PTPRT: variants seen among roughly 807,000 people sequenced by gnomAD.
The protein encoded by PTPRT is receptor-type tyrosine-protein phosphatase T.
A neutral mutation model predicts 176.8 loss-of-function variants in PTPRT; 56 were observed. The ratio of observed to expected loss-of-function variants is 0.32; its 90% CI spans 0.26 to 0.40. The LOEUF is 0.40. Ranked by LOEUF, PTPRT falls within the 10% of genes least tolerant of loss-of-function variation. The pLI, the probability that PTPRT is intolerant of heterozygous loss-of-function variation, is 1.00. For missense variants in PTPRT, 1,540 were observed against 1,908.2 expected (o/e 0.81, Z 3.60); for synonymous variants, 783 against 739.0 (o/e 1.06, Z -0.96).
At chr20:42,250,024 C>T (rs923380571) in intron 13 of PTPRT, among the ~76,000 whole-genome samples, 1 of 152,240 alleles carries the variant, frequency 6.6e-6, no homozygotes, top group African/African-American at 2.4e-5. Context: ...GCTCACTCTT[C>T]ATCAGCCAAT....
chr20:42,804,865 A>C (rs1168312746), intron 2 of PTPRT, among the ~76,000 whole-genome samples: 1 of 152,192 alleles, frequency 6.6e-6, no homozygotes, highest in Non-Finnish European at 1.5e-5. Flanking sequence ...AACACCAGTC[A>C]CATCGAATTC....
intron 16 of PTPRT, among the ~76,000 whole-genome samples, 163 bp downstream of exon 16, chr20:42,199,077 G>T (rs551037910): frequency 7.2e-4 from 109 of 152,214 alleles, no homozygotes; most frequent in African/African-American, 2.5e-3. Context: ...AGGATGAACT[G>T]CCCCAAGTCT....
intron 12 of PTPRT, among the ~76,000 whole-genome samples, chr20:42,311,735 CT>C (rs924136209): frequency 1.3e-5 from 2 of 151,826 alleles, no homozygotes; most frequent in Non-Finnish European, 2.9e-5. Context: ...CATCTTCTGG[CT>C]TTTTTTATAG....
intron 1 of PTPRT, among the ~76,000 whole-genome samples, chr20:43,008,940 G>T (rs892479606): frequency 1.3e-5 from 2 of 152,102 alleles, no homozygotes; most frequent in African/African-American, 4.8e-5. Flanking sequence ...CACCTCTCAG[G>T]TGGGTTTGGG....
Position 42,931,705 on chromosome 20 carries a change from T to C in PTPRT, c.89-45773A>G, listed in dbSNP as rs577618279. On this transcript the variant is annotated intron_variant, in intron 1 of 30. Transcript: ENST00000373187. Reference sequence around the variant, plus strand: ...CCGCTGCAAGATCTTCCGCATCAGATGGGAGTTAGATGAGAGGACACAGCG... The same window carrying C: ...CCGCTGCAAGATCTTCCGCATCAGACGGGAGTTAGATGAGAGGACACAGCG... 2.0e-5 allele frequency among the ~76,000 whole-genome samples: 3 copies of C among 152,278 alleles called. No individual in the cohort carries two copies. The East Asian group carries it at 5.8e-4, about 29-fold the overall frequency.
rs566577594 is a variant in PTPRT, at chr20:42,723,568, G to A, written c.859+32894C>T. Among the ~76,000 whole-genome samples, 4 of 152,298 alleles carry A rather than the reference G, an allele frequency of 2.6e-5. No individual in the cohort carries two copies. The East Asian group carries it at 7.7e-4, about 29-fold the overall frequency. ...ATCCTCAGGGGCCTGAAAAGGACTT[G>A]TAGCTCCCCTTCCCAGATCCTCAGG... is the stretch of plus-strand genomic sequence containing the variant. On this transcript the variant is annotated intron_variant, in intron 6 of 30. Transcript: ENST00000373187.
At chr20:42,477,218 C>T (rs2071305495) in intron 7 of PTPRT, among the ~76,000 whole-genome samples, 2 of 152,134 alleles carry the variant, frequency 1.3e-5, no homozygotes, top group African/African-American at 4.8e-5. Flanking sequence ...AGACCATGTT[C>T]TGTTTGCCAG....
intron 7 of PTPRT, among the ~76,000 whole-genome samples, chr20:42,538,567 G>A (rs544186701): frequency 5.9e-5 from 9 of 152,084 alleles, no homozygotes; most frequent in African/African-American, 1.9e-4. Flanking sequence ...TTAATTGGCC[G>A]CTCAGAAATA....
intron 1 of PTPRT, among the ~76,000 whole-genome samples, chr20:43,010,756 C>G (rs1204633285): frequency 1.3e-5 from 2 of 152,144 alleles, no homozygotes; most frequent in South Asian, 2.1e-4. Flanking sequence ...TAAAAGGCAC[C>G]CTTCAAGATT....
In PTPRT at chr20:42,707,131, C is replaced by T. The variant is rs569829385; in HGVS notation, c.860-28972G>A. On this transcript the variant is annotated intron_variant, in intron 6 of 30. Transcript: ENST00000373187. ...AACACCTTGCTGTCAGACTCTTAGC[C>T]TCCAGAACTGTGAGTGAATAAATTT... 2.0e-5 allele frequency among the ~76,000 whole-genome samples: 3 copies of T among 152,330 alleles called. No individual in the cohort carries two copies. The East Asian group carries it at 5.8e-4, about 29-fold the overall frequency.
intron 27 of PTPRT, among the ~76,000 whole-genome samples, chr20:42,091,022 G>C (rs1320700384): frequency 1.3e-5 from 2 of 152,224 alleles, no homozygotes; most frequent in African/African-American, 4.8e-5. Flanking sequence ...TGCCACTGCA[G>C]ATACATACAG....
At chr20:43,168,243 G>T (rs2014907087) in intron 1 of PTPRT, among the ~76,000 whole-genome samples, 1 of 152,166 alleles carries the variant, frequency 6.6e-6, no homozygotes, top group Non-Finnish European at 1.5e-5. Context: ...TCCAGCAAAG[G>T]GACATCATCA....
At chr20:43,077,942 T>C (rs1463931760) in intron 1 of PTPRT, among the ~76,000 whole-genome samples, 2 of 152,234 alleles carry the variant, frequency 1.3e-5, no homozygotes, top group Non-Finnish European at 2.9e-5. Flanking sequence ...CATCCTTCTA[T>C]ATCAAGTGGG....
At chr20:42,717,864 C>T (rs7268723) in intron 6 of PTPRT, among the ~76,000 whole-genome samples, 2,961 of 146,140 alleles carry the variant, frequency 0.02, 103 homozygotes, top group African/African-American at 0.076. Flanking sequence ...ACATCAAGAT[C>T]ACCTGTGTGT....
chr20:42,723,954 CTGT>C (rs1410732852), intron 6 of PTPRT, among the ~76,000 whole-genome samples: 2 of 152,210 alleles, frequency 1.3e-5, no homozygotes, highest in Non-Finnish European at 2.9e-5. Flanking sequence ...TTGATACTTC[CTGT>C]TTGATCTTAG....
intron 5 of PTPRT, among the ~76,000 whole-genome samples, chr20:42,762,587 C>T (rs925236705): frequency 5.3e-5 from 8 of 152,212 alleles, no homozygotes; most frequent in Non-Finnish European, 7.3e-5. Context: ...ACTCTATTGG[C>T]AGAGCCAGGA....
At chr20:42,035,670 T>C in the PTPRT span, among the ~76,000 whole-genome samples, 1 of 152,124 alleles carries the variant, frequency 6.6e-6, no homozygotes, top group African/African-American at 2.4e-5. Context: ...TTTCCTCTGG[T>C]CAGTAAGTTC....
At chr20:42,177,172 C>G (rs149278041) in intron 16 of PTPRT, among the ~76,000 whole-genome samples, 1 of 152,142 alleles carries the variant, frequency 6.6e-6, no homozygotes, top group African/African-American at 2.4e-5. Flanking sequence ...GATTCTAATA[C>G]AGTGGGCTGA....
intron 1 of PTPRT, among the ~76,000 whole-genome samples, chr20:42,939,102 C>A (rs1451372721): frequency 6.6e-6 from 1 of 152,150 alleles, no homozygotes; most frequent in East Asian, 1.9e-4. Context: ...TGAGACAAAC[C>A]AACCAACTCG....
Sources: allele counts gnomAD v4.1 joint callset (sites outside exome capture counted in the v4.1 genomes callset), GRCh38; gene constraint gnomAD v4.1.1; transcripts MANE v1.5; gene names NCBI Gene and HGNC (gene_info 2026-07-23, HGNC 2026-07-21).